MYOF: variants seen among roughly 807,000 people sequenced by gnomAD.
MYOF encodes myoferlin.
MYOF carries 244 observed loss-of-function variants against 284.2 expected under a neutral mutation model. The ratio of observed to expected loss-of-function variants is 0.86; its 90% CI spans 0.77 to 0.95. MYOF has a LOEUF of 0.95. Ranked by LOEUF, MYOF falls within the 40% of genes least tolerant of loss-of-function variation. MYOF has a pLI of 0.00. For missense variants in MYOF, 2,496 were observed against 2,560.6 expected (o/e 0.97, Z 0.54); for synonymous variants, 904 against 919.7 (o/e 0.98, Z 0.31).
chr10:93,343,695 T>G (rs896607099), intron 38 of MYOF, among the ~76,000 whole-genome samples, 161 bp downstream of exon 38: 4 of 152,168 alleles, frequency 2.6e-5, no homozygotes, highest in African/African-American at 9.7e-5. Flanking sequence ...TGTTGATGAG[T>G]GCAAGATTTA....
chr10:93,481,947 C>T (rs2057387637), intron 1 of MYOF, among the ~76,000 whole-genome samples, 160 bp downstream of exon 1: 1 of 152,134 alleles, frequency 6.6e-6, no homozygotes, highest in African/African-American at 2.4e-5. Flanking sequence ...TAAATGCCTT[C>T]CCCAGAAACG....
rs180832860 is a variant in MYOF, at chr10:93,388,499, G to A, written c.1581+531C>T. On this transcript the variant is annotated intron_variant, in intron 18 of 53. Transcript: ENST00000359263. ...GGCAATAGAACCTTCTGGAAAGGACGGAAGGGTCCCCACCTCCACAGCCAG... is the reference window on the plus strand; with the variant it reads ...GGCAATAGAACCTTCTGGAAAGGACAGAAGGGTCCCCACCTCCACAGCCAG... Among the ~76,000 whole-genome samples, 479 of 152,304 alleles carry A rather than the reference G, an allele frequency of 3.1e-3. 2 individuals are homozygous for A. Among genetic ancestry groups the A allele is most frequent in the African/African-American group, 1.0e-2 (414 of 41,576 alleles).
chr10:93,428,925 G>T (rs1401346370), intron 4 of MYOF, among the ~76,000 whole-genome samples: 7 of 152,184 alleles, frequency 4.6e-5, no homozygotes, highest in Admixed American at 4.6e-4. Flanking sequence ...TCCCAGAGGT[G>T]CTCCAGGGAC....
rs375030658 is a variant in MYOF at position 93,359,891 on chromosome 10, C to A, written c.3062G>T (p.Arg1021Leu). 8.1e-6 allele frequency: 13 copies of A among 1,614,038 alleles called. No individual in the cohort carries two copies. The highest frequency in any genetic ancestry group is 9.3e-6 in the Non-Finnish European group (11 of 1,180,046). The stretch of plus-strand genomic sequence containing the variant: ...TTTCTTGCGTTTTCGGACCAGCCTT[C>A]GCCGTCTATGAGTGTGGTACATTTT... ...AEKMYHTHRR[R>L]RLVRKRKKDL... Residue 1021 changes from arginine to leucine, a missense_variant, in exon 29 of 54, where the codon CGA becomes CTA. Coordinates refer to ENST00000359263, the MANE Select transcript of MYOF (RefSeq NM_013451.4).
At chr10:93,347,878 A>T in intron 36 of MYOF, 96 bp from the exon 37 acceptor site, 1 of 1,280,484 alleles carries the variant, frequency 7.8e-7, no homozygotes, top group Non-Finnish European at 1.1e-6. Flanking sequence ...TCTCTCTGCC[A>T]CACAGCCCAG....
chr10:93,390,232 A>G (rs1400287194), intron 17 of MYOF, among the ~76,000 whole-genome samples: 1 of 152,220 alleles, frequency 6.6e-6, no homozygotes, highest in Non-Finnish European at 1.5e-5. Context: ...CTAACCCTAT[A>G]GACATATACT....
At chr10:93,449,801 TTA>T (rs1433057515) in intron 3 of MYOF, among the ~76,000 whole-genome samples, 2 of 152,012 alleles carry the variant, frequency 1.3e-5, no homozygotes, top group African/African-American at 4.8e-5. Flanking sequence ...CAGAATGTAT[TTA>T]TATAGTTACA....
rs1453162944 is a variant in MYOF at position 93,397,245 on chromosome 10, A to G, written c.1334+2T>C. 6.3e-7 allele frequency: 1 copy of G among 1,582,248 alleles called. No individual in the cohort carries two copies. The highest frequency in any genetic ancestry group is 8.7e-7 in the Non-Finnish European group (1 of 1,155,766). On this transcript the variant is annotated splice_donor_variant, in intron 15 of 53. Transcript: ENST00000359263. LOFTEE classifies it high-confidence loss of function. Reference sequence around the variant, plus strand: ...TTAGACACATACGTATTTTCAACTCACCAGTCATATATTGTTAGTTTTATT... The same window carrying G: ...TTAGACACATACGTATTTTCAACTCGCCAGTCATATATTGTTAGTTTTATT...
intron 53 of MYOF, among the ~76,000 whole-genome samples, chr10:93,308,950 G>A (rs12774223): frequency 0.086 from 13,099 of 152,200 alleles, 755 homozygotes; most frequent in Middle Eastern, 0.13. Context: ...GACCTCAAGT[G>A]ATTCACCCGC....
chr10:93,385,814 C>T (rs1385621049), intron 19 of MYOF, among the ~76,000 whole-genome samples: 1 of 148,658 alleles, frequency 6.7e-6, no homozygotes, highest in African/African-American at 2.5e-5. Context: ...ATTCTGTTGA[C>T]ATATACTGTG....
In MYOF at chr10:93,361,303, C is replaced by T. The variant is rs982941594; in HGVS notation, c.2974+149G>A. On this transcript the variant is annotated intron_variant, in intron 28 of 53. Coordinates refer to ENST00000359263, the MANE Select transcript of MYOF (RefSeq NM_013451.4). ...GCTGTGCGGCCTTGTTCCTAAAAGG[C>T]CATGAACTGGTACCAGTCTGGCCTG... The T allele has an allele frequency of 7.3e-6, 5 of 687,814 alleles. No homozygotes were observed. The East Asian group carries it at 1.1e-4, about 15-fold the overall frequency. 42.6% of individuals were successfully genotyped at this position (687,814 alleles called of 1,614,324 possible). A position where few individuals can be genotyped will look rare whatever the true frequency, so the allele number is the denominator to read the frequency against.
At chr10:93,309,995 C>A (rs1842309222) in intron 53 of MYOF, 25 bp downstream of exon 53, 5 of 1,613,480 alleles carry the variant, frequency 3.1e-6, no homozygotes, top group Non-Finnish European at 1.7e-6. Flanking sequence ...AAAGCCAAGA[C>A]AAGGGGCCAA....
At chr10:93,311,727 G>C (rs889614648) in intron 51 of MYOF, among the ~76,000 whole-genome samples, 7 of 152,166 alleles carry the variant, frequency 4.6e-5, no homozygotes, top group Non-Finnish European at 1.0e-4. Flanking sequence ...CCCTGGCCCT[G>C]AGTAGAGCCC....
chr10:93,329,672 C>A lies in MYOF; in HGVS notation c.4974G>T (p.Glu1658Asp). ...CAGTCAAAGCAACTTACACACAGTACTCCTCTGGTATGCCGCAGTGGGACC... is the reference window on the plus strand; with the variant it reads ...CAGTCAAAGCAACTTACACACAGTAATCCTCTGGTATGCCGCAGTGGGACC... ...RFGSHCGIPE[E>D]YCVSGVNTWR... Residue 1658 changes from glutamate (E) to aspartate (D), a missense_variant, in exon 44 of 54, where the codon GAG (glutamate) becomes GAT (aspartate). Around this residue, in one of 3 missense-constraint regions of MYOF, gnomAD observed 2,436 missense variants for 2,480.7 expected, o/e 0.98. Transcript: ENST00000359263. 1 of 1,613,974 alleles carries A rather than the reference C, an allele frequency of 6.2e-7. No individual in the cohort carries two copies. Among genetic ancestry groups the A allele is most frequent in the South Asian group, 1.1e-5 (1 of 91,056 alleles).
At chr10:93,326,233 T>C (rs2133784050) in intron 45 of MYOF, among the ~76,000 whole-genome samples, 1 of 152,352 alleles carries the variant, frequency 6.6e-6, no homozygotes, top group African/African-American at 2.4e-5. Context: ...GTTATATATT[T>C]ACTTCTGTGG....
chr10:93,353,092 AG>A (rs1406160915), intron 32 of MYOF, among the ~76,000 whole-genome samples: 1 of 152,116 alleles, frequency 6.6e-6, no homozygotes, highest in Non-Finnish European at 1.5e-5. Context: ...AAATGGGTTA[AG>A]AGGTGTTTTC....
In MYOF at chr10:93,399,553, AT is replaced by A; in HGVS notation, c.1118-59del. ...ATTCAATTCCCAGAAATTTGGCAAA[AT>A]TTTAAAAGTTCTCTTATACATCAAA... On this transcript the variant is annotated intron_variant, in intron 12 of 53. Transcript: ENST00000359263. 2.3e-6 allele frequency: 3 copies of A among 1,277,412 alleles called. 1 individual carries two copies. The Admixed American group carries it at 5.9e-5, about 25-fold the overall frequency. 79.1% of individuals were successfully genotyped at this position (1,277,412 alleles called of 1,614,324 possible). A position where few individuals can be genotyped will look rare whatever the true frequency, so the allele number is the denominator to read the frequency against.
chr10:93,317,792 A>T (rs1304793307), intron 49 of MYOF, among the ~76,000 whole-genome samples: 1 of 152,228 alleles, frequency 6.6e-6, no homozygotes, highest in Non-Finnish European at 1.5e-5. Flanking sequence ...AAGACTAAAC[A>T]TCTTTACAGC....
At chr10:93,472,368 G>A (rs10786103) in intron 1 of MYOF, among the ~76,000 whole-genome samples, 110,089 of 152,112 alleles carry the variant, frequency 0.72, 41,277 homozygotes, top group Non-Finnish European at 0.83. Context: ...CATTTCCTCA[G>A]GAAATTAGAA....
Sources: allele counts gnomAD v4.1 joint callset (sites outside exome capture counted in the v4.1 genomes callset), GRCh38; gene constraint gnomAD v4.1.1; regional missense constraint gnomAD v4.1.1; transcripts MANE v1.5; gene names NCBI Gene and HGNC (gene_info 2026-07-23, HGNC 2026-07-21).